The following TAF1B variants were observed in gnomAD, a reference collection of about 807,000 sequenced individuals.
TAF1B encodes the protein TATA box-binding protein-associated factor RNA polymerase I subunit B.
Under a neutral mutation model 83.9 loss-of-function variants are expected in TAF1B, and 61 were observed. The observed-to-expected ratio is 0.73, with a 90% CI of 0.59 to 0.90. TAF1B has a LOEUF of 0.90. TAF1B is among the 40% of genes least tolerant of loss of function. The pLI is 0.00. For missense variants in TAF1B, 625 were observed against 677.0 expected, an observed-to-expected ratio of 0.92 and a Z score of 0.85; for synonymous variants, 221 against 224.6, an observed-to-expected ratio of 0.98 and a Z score of 0.14.
At chr2:9,926,804 C>CAAAAAAA (rs71391175) in intron 14 of TAF1B, among the ~76,000 whole-genome samples, 1 of 104,850 alleles carries the variant, frequency 9.5e-6, no homozygotes, top group African/African-American at 4.1e-5. Context: ...GACTCTGTCT[C>CAAAAAAA]AAAAAAAAAA....
chr2:9,869,391 A>G (rs1050308667), intron 6 of TAF1B, among the ~76,000 whole-genome samples: 1 of 151,534 alleles, frequency 6.6e-6, no homozygotes, highest in East Asian at 2.0e-4. Context: ...CACCCTGCTA[A>G]TTTTTGTATT....
chr2:9,872,969 A>G (rs1317970502), intron 6 of TAF1B, among the ~76,000 whole-genome samples: 1 of 152,226 alleles, frequency 6.6e-6, no homozygotes, highest in African/African-American at 2.4e-5. Flanking sequence ...GTTTTGTAGT[A>G]TACCATTGCA....
chr2:9,874,679 A>G (rs1033248137), intron 6 of TAF1B, among the ~76,000 whole-genome samples: 3 of 152,212 alleles, frequency 2.0e-5, no homozygotes, highest in Admixed American at 2.0e-4. Context: ...CCTGAGACAT[A>G]GAAGAGTGGC....
At chr2:9,851,692 G>C (rs1572212731) in intron 4 of TAF1B, 54 bp downstream of exon 4, 1 of 1,408,488 alleles carries the variant, frequency 7.1e-7, no homozygotes, top group Admixed American at 1.9e-5. Flanking sequence ...TTAAAGAACA[G>C]TAAGACTTAT....
chr2:9,933,143 G>A (rs1268192092), intron 14 of TAF1B, among the ~76,000 whole-genome samples: 2 of 152,144 alleles, frequency 1.3e-5, no homozygotes, highest in Non-Finnish European at 2.9e-5. Context: ...GCCCTGCTTC[G>A]GCTCACCCTC....
intron 14 of TAF1B, among the ~76,000 whole-genome samples, chr2:9,920,566 CTG>C (rs1381534963): frequency 7.9e-6 from 1 of 126,060 alleles, no homozygotes; most frequent in Non-Finnish European, 1.6e-5. Context: ...GGTATGGCGT[CTG>C]TAGACTGGGG....
rs554146920 is a variant in TAF1B, at chr2:9,879,789, A to G, written c.708-2917A>G. Reference sequence around the variant, plus strand: ...TTAAAAATTGAGGTATAATTTATATATAATAAAATGCACCCTTTAAAAATA... The same window carrying G: ...TTAAAAATTGAGGTATAATTTATATGTAATAAAATGCACCCTTTAAAAATA... On this transcript the variant is annotated intron_variant, in intron 7 of 14. Coordinates refer to ENST00000263663, the MANE Select transcript of TAF1B (RefSeq NM_005680.3). Among the ~76,000 whole-genome samples, 26 of 152,364 alleles carry G rather than the reference A, an allele frequency of 1.7e-4. No individual in the cohort carries two copies. In the South Asian group the frequency reaches 5.4e-3, roughly 32 times the overall value.
At chr2:9,846,047 C>A in intron 2 of TAF1B, 1 of 469,842 alleles carries the variant, frequency 2.1e-6, no homozygotes, top group Non-Finnish European at 4.4e-6. Context: ...ATCCTTTTAC[C>A]TTTGTATAGT....
At chr2:9,854,920 C>T (rs1663510572) in intron 5 of TAF1B, among the ~76,000 whole-genome samples, 1 of 152,100 alleles carries the variant, frequency 6.6e-6, no homozygotes, top group South Asian at 2.1e-4. Context: ...ATAAATGTGC[C>T]ATGTAACATT....
intron 5 of TAF1B, among the ~76,000 whole-genome samples, chr2:9,868,023 C>T (rs1204933667): frequency 1.3e-5 from 2 of 152,150 alleles, no homozygotes; most frequent in African/African-American, 4.8e-5. Context: ...GAGAGATGTT[C>T]ATGGAAGAAG....
intron 14 of TAF1B, among the ~76,000 whole-genome samples, chr2:9,929,535 G>A (rs912206528): frequency 1.4e-4 from 22 of 152,138 alleles, no homozygotes; most frequent in African/African-American, 3.9e-4. Context: ...GGATGAAGCC[G>A]ACTTGATCGT....
chr2:9,918,914 T>C, intron 12 of TAF1B, 127 bp from the exon 13 acceptor site: 1 of 785,716 alleles, frequency 1.3e-6, no homozygotes, highest in Non-Finnish European at 2.2e-6. Context: ...AATATAGACA[T>C]GTGCCAGTAG....
intron 6 of TAF1B, among the ~76,000 whole-genome samples, chr2:9,872,590 C>A (rs1007285649): frequency 6.6e-6 from 1 of 152,126 alleles, no homozygotes; most frequent in Non-Finnish European, 1.5e-5. Flanking sequence ...TTGTTCTTGT[C>A]ACCTTTTTCA....
intron 2 of TAF1B, chr2:9,846,020 T>C: frequency 2.1e-6 from 1 of 467,838 alleles, no homozygotes; most frequent in South Asian, 1.6e-5. Context: ...TTGGGAATAT[T>C]GGAATTATTC....
Position 9,876,016 on chromosome 2 carries a change from G to C in TAF1B, c.705G>C (p.Leu235Phe). Reference protein sequence around the residue: ...QREAITLSDLLRFVEEDHIPY... With the variant: ...QREAITLSDLFRFVEEDHIPY... ...AAGCAATAACACTTTCAGATCTTTT[G>C]AGGTTAGCTAGACCTCTTGTATGAT... Residue 235 changes from leucine (L) to phenylalanine (F), a missense_variant and splice_region_variant, in exon 7 of 15, where the codon TTG becomes TTC. Leu to Phe is a conservative substitution (Grantham distance 22). Transcript: ENST00000263663. 2.5e-6 allele frequency: 4 copies of C among 1,606,024 alleles called. No homozygotes were observed. The highest frequency in any genetic ancestry group is 3.4e-6 in the Non-Finnish European group (4 of 1,173,740).
intron 1 of TAF1B, 145 bp downstream of exon 1, chr2:9,843,704 A>G (rs1663099845): frequency 5.3e-6 from 5 of 950,818 alleles, no homozygotes; most frequent in East Asian, 6.3e-5. Context: ...AGGGCGGGCT[A>G]AGGACTGGGG....
chr2:9,900,964 C>G (rs1665162711), intron 8 of TAF1B, among the ~76,000 whole-genome samples: 3 of 152,086 alleles, frequency 2.0e-5, no homozygotes, highest in Non-Finnish European at 4.4e-5. Flanking sequence ...CCACCCAGAT[C>G]CTAACAGAGG....
chr2:9,919,573 G>C (rs777758490), intron 13 of TAF1B, 25 bp from the exon 14 acceptor site: 4 of 1,583,054 alleles, frequency 2.5e-6, no homozygotes, highest in Non-Finnish European at 3.5e-6. Context: ...TTGTTATTTT[G>C]TTTCCTTTTT....
intron 5 of TAF1B, among the ~76,000 whole-genome samples, chr2:9,855,826 G>C (rs966599983): frequency 6.6e-6 from 1 of 152,098 alleles, no homozygotes; most frequent in Non-Finnish European, 1.5e-5. Context: ...TATAATAAAG[G>C]GTTGAATATC....
Sources: gnomAD v4.1 joint callset for allele counts (sites outside exome capture counted in the v4.1 genomes callset) on GRCh38, gnomAD v4.1.1 for gene constraint, MANE v1.5 for transcripts, NCBI Gene and HGNC (gene_info 2026-07-23, HGNC 2026-07-21) for gene names.